Variants in CSNK1G1 observed in about 807,000 individuals in gnomAD.
CSNK1G1 encodes casein kinase 1 gamma 1.
In CSNK1G1, 22 loss-of-function variants were observed where a neutral mutation model predicts 59.6. That is an observed-to-expected ratio of 0.37 (90% CI 0.26 to 0.53). The LOEUF is 0.53. Among genes scored for constraint, CSNK1G1 ranks in the 20% least tolerant of loss-of-function variants. The pLI is 0.89. For missense variants in CSNK1G1, 384 were observed against 519.5 expected (o/e 0.74, Z 2.54); for synonymous variants, 179 against 177.1 (o/e 1.01, Z -0.08).
At chr15:64,272,158 T>C (rs569226303) in intron 2 of CSNK1G1, among the ~76,000 whole-genome samples, 5 of 152,050 alleles carry the variant, frequency 3.3e-5, no homozygotes, top group Non-Finnish European at 5.9e-5. Flanking sequence ...ATGACATGGG[T>C]CTCTTGAAGA....
chr15:64,344,147 G>A (rs747820332), intron 1 of CSNK1G1, among the ~76,000 whole-genome samples: 1 of 152,032 alleles, frequency 6.6e-6, no homozygotes, highest in Non-Finnish European at 1.5e-5. Context: ...AGAGCAAATG[G>A]CCTTTTCTAA....
chr15:64,234,431 C>T (rs1275353480), intron 4 of CSNK1G1, among the ~76,000 whole-genome samples: 1 of 152,160 alleles, frequency 6.6e-6, no homozygotes, highest in Non-Finnish European at 1.5e-5. Flanking sequence ...ATTCCAGACC[C>T]CCTCAAAGTA....
chr15:64,203,185 G>A lies in CSNK1G1; in HGVS notation c.1004C>T (p.Thr335Ile). Residue 335 changes from threonine (T) to isoleucine (I), a missense_variant, in exon 10 of 12, where the codon ACT becomes ATT. This residue lies in a region of CSNK1G1 where 325 missense variants were observed against 440.9 expected (regional missense o/e 0.74). Coordinates refer to ENST00000303052, the MANE Select transcript of CSNK1G1 (RefSeq NM_022048.5). ...ATCTACGTGAACTGACCCTACTGGA[G>A]TAGGCTAGAAAAATGAAACAAAAAG... is the stretch of plus-strand genomic sequence containing the variant. ...AYDWVGRPIP[T>I]PVGSVHVDSG... 1 of 1,612,432 alleles carries A rather than the reference G, an allele frequency of 6.2e-7. No homozygotes were observed. Among genetic ancestry groups the A allele is most frequent in the Non-Finnish European group, 8.5e-7 (1 of 1,178,544 alleles).
intron 10 of CSNK1G1, among the ~76,000 whole-genome samples, chr15:64,184,070 G>A (rs2081856594): frequency 6.6e-6 from 1 of 152,112 alleles, no homozygotes; most frequent in Non-Finnish European, 1.5e-5. Context: ...TTGGGAGGCC[G>A]AGGTGGGCGG....
At chr15:64,343,190 C>T (rs1453862884) in intron 1 of CSNK1G1, among the ~76,000 whole-genome samples, 6 of 146,572 alleles carry the variant, frequency 4.1e-5, no homozygotes, top group Non-Finnish European at 9.1e-5. Context: ...CCAGCCAGGG[C>T]AACAAGAGCA....
intron 6 of CSNK1G1, among the ~76,000 whole-genome samples, chr15:64,212,920 T>C (rs1314810972): frequency 2.6e-5 from 4 of 151,860 alleles, no homozygotes; most frequent in African/African-American, 9.7e-5. Context: ...GCAGGAGAAT[T>C]GCTTGAACCC....
chr15:64,191,829 C>T (rs760397101), intron 10 of CSNK1G1, among the ~76,000 whole-genome samples: 1 of 152,140 alleles, frequency 6.6e-6, no homozygotes, highest in Non-Finnish European at 1.5e-5. Flanking sequence ...AGATGTGAAC[C>T]TAGGGGTTGC....
chr15:64,180,041 G>A, intron 11 of CSNK1G1: 1 of 293,514 alleles, frequency 3.4e-6, no homozygotes, highest in Non-Finnish European at 6.6e-6. Context: ...CCCATATAGA[G>A]CAAGAAGCTC....
At chr15:64,236,598 C>CT (rs1431029203) in intron 4 of CSNK1G1, among the ~76,000 whole-genome samples, 1 of 152,152 alleles carries the variant, frequency 6.6e-6, no homozygotes, top group African/African-American at 2.4e-5. Flanking sequence ...GGCATATCAT[C>CT]TTACTGCAGT....
At chr15:64,217,586 G>A (rs533528618) in intron 4 of CSNK1G1, among the ~76,000 whole-genome samples, 1 of 152,294 alleles carries the variant, frequency 6.6e-6, no homozygotes, top group South Asian at 2.1e-4. Context: ...TTGGGAGGCT[G>A]AGGTGAGTGG....
intron 1 of CSNK1G1, among the ~76,000 whole-genome samples, chr15:64,338,974 G>A (rs988500368): frequency 2.0e-5 from 3 of 152,008 alleles, no homozygotes; most frequent in Non-Finnish European, 4.4e-5. Flanking sequence ...CCAAGATCAC[G>A]CCACTGCACT....
At chr15:64,232,951 T>C (rs1239740307) in intron 4 of CSNK1G1, among the ~76,000 whole-genome samples, 1 of 152,228 alleles carries the variant, frequency 6.6e-6, no homozygotes, top group Non-Finnish European at 1.5e-5. Context: ...CTGACAGGTT[T>C]TGGTGATCCA....
intron 1 of CSNK1G1, among the ~76,000 whole-genome samples, chr15:64,325,797 G>T (rs917117657): frequency 1.3e-5 from 2 of 152,132 alleles, no homozygotes; most frequent in Admixed American, 6.6e-5. Context: ...TAAAAGAAAA[G>T]ATTAGAGAGG....
Position 64,251,566 on chromosome 15 carries a change from G to A in CSNK1G1, c.238C>T (p.Arg80Cys), listed in dbSNP as rs773612606. Residue 80 changes from arginine (R) to cysteine (C), a missense_variant, in exon 4 of 12, where the codon CGT (arginine) becomes TGT (cysteine). By Grantham distance (180) the Arg-to-Cys change is radical. Around this residue, in one of 3 missense-constraint regions of CSNK1G1, gnomAD observed 325 missense variants for 440.9 expected, o/e 0.74. Coordinates refer to ENST00000303052, the MANE Select transcript of CSNK1G1 (RefSeq NM_022048.5). Reference protein sequence around the residue: ...VAIKLEPIKSRAPQLHLEYRF... With the variant: ...VAIKLEPIKSCAPQLHLEYRF... ...TACTCTAAATGAAGCTGTGGAGCAC[G>A]TGATTTTATTGGTTCCTGAAATCCA... The A allele has an allele frequency of 3.1e-6, 5 of 1,611,778 alleles. No individual in the cohort carries two copies. Among genetic ancestry groups the A allele is most frequent in the Admixed American group, 1.7e-5 (1 of 59,908 alleles).
Position 64,293,938 on chromosome 15 carries a change from A to G in CSNK1G1, c.181+6381T>C, listed in dbSNP as rs528264682. 4.6e-5 allele frequency among the ~76,000 whole-genome samples: 7 copies of G among 152,360 alleles called. No individual in the cohort carries two copies. The East Asian group carries it at 9.6e-4, about 21-fold the overall frequency. ...AAGTTGGGGACTGCAGGAGTACTGTATTAATTATAGTATTAAAATACAAAA... is the reference window on the plus strand; with the variant it reads ...AAGTTGGGGACTGCAGGAGTACTGTGTTAATTATAGTATTAAAATACAAAA... On this transcript the variant is annotated intron_variant, in intron 2 of 11. Coordinates refer to ENST00000303052, the MANE Select transcript of CSNK1G1 (RefSeq NM_022048.5).
At position 64,204,605 on chromosome 15, in the gene CSNK1G1, T is replaced by C. The variant is rs1051735805; in HGVS notation, c.851-16A>G. 1 of 1,610,960 alleles carries C rather than the reference T, an allele frequency of 6.2e-7. No individual in the cohort carries two copies. Among genetic ancestry groups the C allele is most frequent in the Non-Finnish European group, 8.5e-7 (1 of 1,179,130 alleles). On this transcript the variant is annotated splice_polypyrimidine_tract_variant and intron_variant, in intron 8 of 11. Transcript: ENST00000303052. Reference sequence around the variant, plus strand: ...GCCATCTCCTCTGTTAGGAAAGAGATGAAAGGCCCTGCTCATTAGCTGAAT... The same window carrying C: ...GCCATCTCCTCTGTTAGGAAAGAGACGAAAGGCCCTGCTCATTAGCTGAAT...
At chr15:64,319,734 A>T (rs1272911003) in intron 1 of CSNK1G1, among the ~76,000 whole-genome samples, 12 of 151,952 alleles carry the variant, frequency 7.9e-5, no homozygotes, top group Admixed American at 7.9e-4. Flanking sequence ...GTGTTTTAGT[A>T]GAGACGAGGT....
At position 64,216,041 on chromosome 15, in the gene CSNK1G1, A is replaced by T. The variant is rs748813073; in HGVS notation, c.444+521T>A. 6.6e-6 allele frequency among the ~76,000 whole-genome samples: 1 copy of T among 152,102 alleles called. No individual in the cohort carries two copies. Among genetic ancestry groups the T allele is most frequent in the Non-Finnish European group, 1.5e-5 (1 of 68,012 alleles). Reference sequence around the variant, plus strand: ...AGACCAGTTTAGACAAGCCTGGGCAACATAGTGGGAGTCTGTCTCCAAAAC... The same window carrying T: ...AGACCAGTTTAGACAAGCCTGGGCATCATAGTGGGAGTCTGTCTCCAAAAC... On this transcript the variant is annotated intron_variant, in intron 5 of 11. Transcript: ENST00000303052. The surrounding 1 kb of genome is among the most constrained non-coding windows in gnomAD (Gnocchi z 4.6).
chr15:64,343,820 T>G (rs561390104), intron 1 of CSNK1G1, among the ~76,000 whole-genome samples: 1 of 151,298 alleles, frequency 6.6e-6, no homozygotes, highest in East Asian at 2.0e-4. Context: ...AGCTCTAGTA[T>G]GGTGATGAAT....
Sources: allele counts gnomAD v4.1 joint callset (sites outside exome capture counted in the v4.1 genomes callset), GRCh38; gene constraint gnomAD v4.1.1; regional missense constraint gnomAD v4.1.1; non-coding constraint Gnocchi (gnomAD v3.1); transcripts MANE v1.5; gene names NCBI Gene and HGNC (gene_info 2026-07-23, HGNC 2026-07-21).